The following MTMR12 variants were observed in gnomAD, a reference collection of about 807,000 sequenced individuals.
MTMR12 encodes the protein myotubularin-related protein 12.
In MTMR12, 33 loss-of-function variants were observed where a neutral mutation model predicts 96.7. That is an observed-to-expected ratio of 0.34 (90% CI 0.26 to 0.46). The LOEUF (loss-of-function observed/expected upper bound fraction) is 0.46. MTMR12 is among the 20% of genes least tolerant of loss of function. The pLI, the probability that MTMR12 is intolerant of heterozygous loss-of-function variation, is 1.00. For synonymous variants in MTMR12, 298 were observed against 327.2 expected (o/e 0.91, Z 0.96); for missense variants, 721 against 896.1 (o/e 0.80, Z 2.49).
rs202005526 is a variant in MTMR12 at position 32,228,532 on chromosome 5, A to ATGTGATATATATATATCATATATATG, written c.*1245_*1246insCATATATATGATATATATATATCACA. 4.9e-3 allele frequency: 686 copies of ATGTGATATATATATATCATATATATG among 140,762 alleles called. 20 individuals carry two copies. Among genetic ancestry groups the ATGTGATATATATATATCATATATATG allele is most frequent in the African/African-American group, 0.017 (628 of 36,094 alleles). 8.7% of individuals were successfully genotyped at this position (140,762 alleles called of 1,614,324 possible). A position where few individuals can be genotyped will look rare whatever the true frequency, so the allele number is the denominator to read the frequency against. ...ATTAAAAAAAATATATATCATATATATGATATATATATCATATATATGTGA... is the reference window on the plus strand; with the variant it reads ...ATTAAAAAAAATATATATCATATATATGTGATATATATATATCATATATATGTGATATATATATCATATATATGTGA... On this transcript the variant is annotated 3_prime_UTR_variant, in exon 16 of 16. Coordinates refer to ENST00000382142, the MANE Select transcript of MTMR12 (RefSeq NM_001040446.3).
chr5:32,246,040 TCTC>T (rs1336986504), intron 10 of MTMR12, among the ~76,000 whole-genome samples: 1 of 152,200 alleles, frequency 6.6e-6, no homozygotes, highest in East Asian at 1.9e-4. Context: ...CCATGTTTCT[TCTC>T]CTGTTACAAT....
intron 1 of MTMR12, among the ~76,000 whole-genome samples, chr5:32,288,462 A>T (rs577832487): frequency 9.2e-5 from 14 of 152,308 alleles, no homozygotes; most frequent in Non-Finnish European, 1.8e-4. Context: ...GTTTGCTTCT[A>T]GACCTATAAC....
chr5:32,296,996 G>T (rs1411333257), intron 1 of MTMR12, among the ~76,000 whole-genome samples: 1 of 151,358 alleles, frequency 6.6e-6, no homozygotes, highest in African/African-American at 2.4e-5. Context: ...CCAGCTACTT[G>T]GGAGGCTGAG....
At chr5:32,269,864 C>T (rs75371805) in intron 5 of MTMR12, among the ~76,000 whole-genome samples, 3,492 of 152,256 alleles carry the variant, frequency 0.023, 67 homozygotes, top group Non-Finnish European at 0.036. Context: ...TCGTGTGAAA[C>T]TAAAGTATAT....
chr5:32,263,272 A>T (rs1019841542), intron 6 of MTMR12, 30 bp from the exon 7 acceptor site: 3 of 1,611,930 alleles, frequency 1.9e-6, no homozygotes, highest in Non-Finnish European at 1.7e-6. Context: ...AAGACAATAA[A>T]ATCTTTCCAT....
intron 8 of MTMR12, among the ~76,000 whole-genome samples, chr5:32,251,130 A>G (rs949402555): frequency 9.6e-5 from 13 of 135,364 alleles, no homozygotes; most frequent in Admixed American, 5.1e-4. Flanking sequence ...ATCTCGGCTC[A>G]CTGCAAGCTC....
intron 1 of MTMR12, 46 bp from the exon 2 acceptor site, chr5:32,276,788 A>G: frequency 6.7e-7 from 1 of 1,495,412 alleles, no homozygotes; most frequent in Non-Finnish European, 9.3e-7. Flanking sequence ...TAAGGGTTTA[A>G]AATGAATAAC....
intron 1 of MTMR12, among the ~76,000 whole-genome samples, chr5:32,279,855 G>A (rs1221391416): frequency 9.2e-5 from 14 of 152,234 alleles, no homozygotes; most frequent in Admixed American, 3.9e-4. Context: ...GCTCCTATAA[G>A]AATCTAATGC....
At chr5:32,293,938 C>T (rs80003372) in intron 1 of MTMR12, among the ~76,000 whole-genome samples, 2,338 of 152,356 alleles carry the variant, frequency 0.015, 29 homozygotes, top group Non-Finnish European at 0.024. Context: ...GCTGGCCACA[C>T]CAGAAACCTG....
intron 1 of MTMR12, among the ~76,000 whole-genome samples, chr5:32,304,406 T>C (rs912275697): frequency 5.3e-5 from 8 of 152,216 alleles, no homozygotes; most frequent in African/African-American, 1.9e-4. Context: ...AATGGAATCA[T>C]TGCTTTGGTT....
chr5:32,237,508 T>A (rs1437101955), intron 13 of MTMR12, among the ~76,000 whole-genome samples: 1 of 142,886 alleles, frequency 7.0e-6, no homozygotes, highest in Admixed American at 7.0e-5. Flanking sequence ...CATAACCCTG[T>A]GCTTTCTTCT....
Position 32,294,301 on chromosome 5 carries a change from T to G in MTMR12, c.82-17559A>C, listed in dbSNP as rs553825802. ...TATGCCTCCAGAACAGCACTTTTCC[T>G]TTTTTCCTTTTTTTTTTTAAAGACA... On this transcript the variant is annotated intron_variant, in intron 1 of 15. Coordinates refer to ENST00000382142, the MANE Select transcript of MTMR12 (RefSeq NM_001040446.3). 3.2e-3 allele frequency among the ~76,000 whole-genome samples: 481 copies of G among 151,882 alleles called. 3 individuals are homozygous for G. Among genetic ancestry groups the G allele is most frequent in the Non-Finnish European group, 5.6e-3 (383 of 67,936 alleles).
At chr5:32,230,383 A>G (rs1296419822) in intron 15 of MTMR12, 36 bp from the exon 16 acceptor site, 4 of 1,541,510 alleles carry the variant, frequency 2.6e-6, no homozygotes, top group Non-Finnish European at 3.5e-6. Context: ...TCACTGGTTA[A>G]CATAACAGGC....
chr5:32,303,847 C>CAAA (rs57459005), intron 1 of MTMR12, among the ~76,000 whole-genome samples: 19 of 68,342 alleles, frequency 2.8e-4, no homozygotes, highest in East Asian at 4.2e-4. Flanking sequence ...TTTGCCATCT[C>CAAA]AAAAAAAAAA....
intron 6 of MTMR12, among the ~76,000 whole-genome samples, chr5:32,265,737 G>C (rs2112068305): frequency 6.6e-6 from 1 of 152,250 alleles, no homozygotes; most frequent in Admixed American, 6.5e-5. Flanking sequence ...AGCATAATCT[G>C]TCCTCAATAA....
At chr5:32,305,255 A>G (rs762418989) in intron 1 of MTMR12, among the ~76,000 whole-genome samples, 16 of 151,922 alleles carry the variant, frequency 1.1e-4, no homozygotes, top group Non-Finnish European at 1.6e-4. Flanking sequence ...CGCCCGGCTA[A>G]TTTTTGTATT....
At chr5:32,283,046 A>G (rs922415502) in intron 1 of MTMR12, among the ~76,000 whole-genome samples, 1 of 152,182 alleles carries the variant, frequency 6.6e-6, no homozygotes, top group African/African-American at 2.4e-5. Context: ...TGAGTCCTAC[A>G]TGTGGATCTT....
Position 32,234,152 on chromosome 5 carries a change from C to A in MTMR12, c.1513-218G>T, listed in dbSNP as rs544427880. Among the ~76,000 whole-genome samples, 11 of 152,308 alleles carry A rather than the reference C, an allele frequency of 7.2e-5. No individual in the cohort carries two copies. In the South Asian group the frequency reaches 2.1e-3, roughly 29 times the overall value. ...GACACTTCCTTTCCAGCAGTCTACACGCCAGCCGCTGTGCTGGGTGCTTCC... is the reference window on the plus strand; with the variant it reads ...GACACTTCCTTTCCAGCAGTCTACAAGCCAGCCGCTGTGCTGGGTGCTTCC... On this transcript the variant is annotated intron_variant, in intron 14 of 15. Coordinates refer to ENST00000382142, the MANE Select transcript of MTMR12 (RefSeq NM_001040446.3).
At chr5:32,297,346 C>T (rs534894427) in intron 1 of MTMR12, among the ~76,000 whole-genome samples, 1 of 152,236 alleles carries the variant, frequency 6.6e-6, no homozygotes, top group South Asian at 2.1e-4. Flanking sequence ...ACCTCTAACC[C>T]TAGGCAACCA....
Sources: gnomAD v4.1 joint callset for allele counts (sites outside exome capture counted in the v4.1 genomes callset) on GRCh38, gnomAD v4.1.1 for gene constraint, MANE v1.5 for transcripts, NCBI Gene and HGNC (gene_info 2026-07-23, HGNC 2026-07-21) for gene names.